The following MAP2 variants were observed in gnomAD, a reference collection of about 807,000 sequenced individuals.
The protein encoded by MAP2 is microtubule-associated protein 2.
MAP2 carries 14 observed loss-of-function variants against 137.6 expected under a neutral mutation model. The ratio of observed to expected loss-of-function variants is 0.10; its 90% confidence interval spans 0.07 to 0.16. The LOEUF is 0.16. MAP2 is among the 10% of genes least tolerant of loss of function. The pLI is 1.00. For missense variants in MAP2, 2,088 were observed against 2,191.5 expected (o/e 0.95, Z 0.94); for synonymous variants, 786 against 782.3 (o/e 1.00, Z -0.08).
chr2:209,592,245 G>A (rs1439206151), intron 3 of MAP2, among the ~76,000 whole-genome samples: 2 of 152,116 alleles, frequency 1.3e-5, no homozygotes, highest in African/African-American at 4.8e-5. Flanking sequence ...CTCTGTCATT[G>A]TAGCACAAAA....
intron 1 of MAP2, among the ~76,000 whole-genome samples, chr2:209,485,843 T>C (rs1359268935): frequency 6.6e-6 from 1 of 152,234 alleles, no homozygotes; most frequent in Non-Finnish European, 1.5e-5. Flanking sequence ...TGGATAGTTG[T>C]AGATCAGGGA....
intron 2 of MAP2, among the ~76,000 whole-genome samples, chr2:209,571,607 T>G (rs931228638): frequency 2.6e-5 from 4 of 152,004 alleles, no homozygotes; most frequent in Non-Finnish European, 5.9e-5. Flanking sequence ...CCCAACATAG[T>G]TCTTAAAGTG....
intron 13 of MAP2, among the ~76,000 whole-genome samples, chr2:209,715,740 G>C (rs1476649671): frequency 6.6e-6 from 1 of 152,194 alleles, no homozygotes; most frequent in Non-Finnish European, 1.5e-5. Context: ...CACATCCAAA[G>C]ACCCTGAGGT....
At chr2:209,576,909 T>A (rs1451983285) in intron 2 of MAP2, among the ~76,000 whole-genome samples, 1 of 152,082 alleles carries the variant, frequency 6.6e-6, no homozygotes, top group Non-Finnish European at 1.5e-5. Context: ...AGAAAAAGAG[T>A]GTACCAACTC....
chr2:209,479,094 A>G lies in MAP2; in HGVS notation c.-221-28498A>G, dbSNP rs368465346. Among the ~76,000 whole-genome samples the G allele has an allele frequency of 3.9e-5, 6 of 152,214 alleles. No homozygotes were observed. In the East Asian group the frequency reaches 1.2e-3, roughly 29 times the overall value. ...GCCTATGTGTATTCATTTTCAAATT[A>G]CAAAAGCAAGTGATTTTTTTTCTTC... On this transcript the variant is annotated intron_variant, in intron 1 of 15. Transcript: ENST00000682079.
chr2:209,581,720 G>A (rs969738921), intron 3 of MAP2, among the ~76,000 whole-genome samples: 2 of 152,258 alleles, frequency 1.3e-5, no homozygotes, highest in East Asian at 3.9e-4. Flanking sequence ...TTTAGGATAT[G>A]TGTATGAATT....
At chr2:209,658,652 G>A (rs1017684077) in intron 5 of MAP2, among the ~76,000 whole-genome samples, 2 of 151,728 alleles carry the variant, frequency 1.3e-5, no homozygotes, top group East Asian at 3.9e-4. Context: ...GATTACAGGC[G>A]CCTGCCACCA....
intron 2 of MAP2, among the ~76,000 whole-genome samples, chr2:209,543,005 T>C (rs1375897675): frequency 6.6e-6 from 1 of 152,250 alleles, no homozygotes; most frequent in Non-Finnish European, 1.5e-5. Context: ...GCCTAGCTGT[T>C]GGCCTATTTC....
chr2:209,550,263 G>A (rs766301785), intron 2 of MAP2, among the ~76,000 whole-genome samples: 11 of 152,010 alleles, frequency 7.2e-5, no homozygotes, highest in Non-Finnish European at 1.3e-4. Flanking sequence ...ACATTGAAGC[G>A]GTTCACAACA....
chr2:209,553,169 G>A (rs996916572), intron 2 of MAP2, among the ~76,000 whole-genome samples: 3 of 151,678 alleles, frequency 2.0e-5, no homozygotes, highest in Admixed American at 6.6e-5. Flanking sequence ...CCACCACCAC[G>A]CCCGGCTAAT....
At chr2:209,471,346 C>A (rs1367087285) in intron 1 of MAP2, among the ~76,000 whole-genome samples, 1 of 152,120 alleles carries the variant, frequency 6.6e-6, no homozygotes, top group Non-Finnish European at 1.5e-5. Context: ...GTCTTCTCTA[C>A]TAGATTGTAA....
intron 1 of MAP2, among the ~76,000 whole-genome samples, chr2:209,471,690 C>CA (rs1374126173): frequency 7.1e-6 from 1 of 141,376 alleles, no homozygotes; most frequent in East Asian, 2.4e-4. Context: ...ACGTGTTCTA[C>CA]AAATACTTTA....
intron 4 of MAP2, among the ~76,000 whole-genome samples, chr2:209,648,802 A>C (rs2094583219): frequency 7.0e-6 from 1 of 142,310 alleles, no homozygotes; most frequent in African/African-American, 2.9e-5. Flanking sequence ...AAAAAAAAAA[A>C]AGAAAGAAAG....
At chr2:209,611,169 C>T (rs191894887) in intron 3 of MAP2, among the ~76,000 whole-genome samples, 1 of 152,238 alleles carries the variant, frequency 6.6e-6, no homozygotes, top group East Asian at 1.9e-4. Context: ...AAGCTAATAT[C>T]TTGAAAGCAG....
chr2:209,653,144 G>A lies in MAP2; in HGVS notation c.-27G>A. 6.4e-7 allele frequency: 1 copy of A among 1,552,800 alleles called. No homozygotes were observed. ...AGCTACTATTTTTTCTCTTTCAGTT[G>A]CAGGAGAAATAACAAGGCATTGAAG... On this transcript the variant is annotated splice_region_variant and 5_prime_UTR_variant, in exon 5 of 16. Transcript: ENST00000682079.
chr2:209,629,224 A>G (rs1186075304), intron 4 of MAP2, among the ~76,000 whole-genome samples: 2 of 152,252 alleles, frequency 1.3e-5, no homozygotes, highest in African/African-American at 4.8e-5. Context: ...AAGATTTACC[A>G]CATTCAACAT....
chr2:209,631,005 C>CAA (rs776266690), intron 4 of MAP2, among the ~76,000 whole-genome samples: 5 of 42,138 alleles, frequency 1.2e-4, no homozygotes, highest in African/African-American at 2.1e-4. Flanking sequence ...GAGCTACAAG[C>CAA]AAAAAAAAAA....
intron 4 of MAP2, among the ~76,000 whole-genome samples, chr2:209,634,950 C>T (rs2093424820): frequency 6.6e-6 from 1 of 152,068 alleles, no homozygotes; most frequent in African/African-American, 2.4e-5. Flanking sequence ...TAAAAATTAG[C>T]TAGGAAGGTT....
chr2:209,494,432 TAAAA>T (rs34659853), intron 1 of MAP2, among the ~76,000 whole-genome samples: 1 of 135,640 alleles, frequency 7.4e-6, no homozygotes, highest in Non-Finnish European at 1.6e-5. Flanking sequence ...AAAGTATAAT[TAAAA>T]AAAAAAAAAA....
Sources: allele counts gnomAD v4.1 joint callset (sites outside exome capture counted in the v4.1 genomes callset), GRCh38; gene constraint gnomAD v4.1.1; transcripts MANE v1.5; gene names NCBI Gene and HGNC (gene_info 2026-07-23, HGNC 2026-07-21).